The following PPP6R3 variants were observed in gnomAD, a reference collection of about 807,000 sequenced individuals.
PPP6R3 encodes the protein serine/threonine-protein phosphatase 6 regulatory subunit 3.
PPP6R3 carries 38 observed loss-of-function variants against 110.7 expected under a neutral mutation model. That is an observed-to-expected ratio of 0.34 (90% confidence interval 0.26 to 0.45). PPP6R3 has a LOEUF of 0.45. PPP6R3 is among the 20% of genes least tolerant of loss of function. PPP6R3 has a pLI of 1.00. For synonymous variants in PPP6R3, 369 were observed against 373.5 expected, an observed-to-expected ratio of 0.99 and a Z score of 0.14; for missense variants, 870 against 1,062.4, an observed-to-expected ratio of 0.82 and a Z score of 2.52.
chr11:68,614,724 T>G lies in PPP6R3; in HGVS notation c.*1607T>G, dbSNP rs1317246206. On this transcript the variant is annotated 3_prime_UTR_variant, in exon 24 of 24. Coordinates refer to ENST00000393800, the MANE Select transcript of PPP6R3 (RefSeq NM_001164161.2). ...GTGGGTCCCTTGACCTTTGCACGCC[T>G]CCTCAGGAACCCCCTTTCCCGGGTG... 40 of 1,534,506 alleles carry G rather than the reference T, an allele frequency of 2.6e-5. No individual in the cohort carries two copies. Among genetic ancestry groups the G allele is most frequent in the South Asian group, 6.1e-5 (5 of 82,160 alleles).
chr11:68,545,932 A>G (rs1470703366), intron 4 of PPP6R3, among the ~76,000 whole-genome samples: 1 of 152,240 alleles, frequency 6.6e-6, no homozygotes, highest in African/African-American at 2.4e-5. Context: ...GTGTGATGAT[A>G]CGGGGCAAAA....
chr11:68,506,506 A>G (rs2153508434), intron 1 of PPP6R3, among the ~76,000 whole-genome samples: 1 of 148,220 alleles, frequency 6.7e-6, no homozygotes, highest in African/African-American at 2.5e-5. Context: ...AAGTGATGTT[A>G]TGATTCATGT....
intron 1 of PPP6R3, among the ~76,000 whole-genome samples, chr11:68,499,308 C>T (rs1383608299): frequency 6.6e-6 from 1 of 152,090 alleles, no homozygotes; most frequent in African/African-American, 2.4e-5. Context: ...GCTGGAGGAT[C>T]TGTTCTAAGG....
intron 5 of PPP6R3, among the ~76,000 whole-genome samples, chr11:68,548,462 T>C (rs1285090498): frequency 1.3e-5 from 2 of 152,182 alleles, no homozygotes; most frequent in African/African-American, 2.4e-5. Context: ...CTTTTGCTGG[T>C]TTGCTTTTTA....
chr11:68,535,318 T>G (rs1474053280), intron 2 of PPP6R3: 2 of 152,170 alleles, frequency 1.3e-5, no homozygotes, highest in Non-Finnish European at 2.9e-5. Flanking sequence ...GCATGGTCTG[T>G]GATGTCATCT....
chr11:68,468,411 C>T (rs1294769578), intron 1 of PPP6R3, among the ~76,000 whole-genome samples: 1 of 152,194 alleles, frequency 6.6e-6, no homozygotes, highest in Non-Finnish European at 1.5e-5. Context: ...AAGTGAGACC[C>T]TGCCCCTTCT....
At chr11:68,467,131 T>G (rs1482697495) in intron 1 of PPP6R3, among the ~76,000 whole-genome samples, 2 of 152,382 alleles carry the variant, frequency 1.3e-5, no homozygotes, top group Non-Finnish European at 2.9e-5. Flanking sequence ...TACGGCTGGC[T>G]AGAGTTGACC....
intron 9 of PPP6R3, among the ~76,000 whole-genome samples, chr11:68,566,274 A>G (rs1299974812): frequency 6.9e-6 from 1 of 144,100 alleles, no homozygotes; most frequent in East Asian, 2.0e-4. Context: ...TGCTACTACT[A>G]CCACTTCTTC....
intron 1 of PPP6R3, among the ~76,000 whole-genome samples, chr11:68,516,093 AT>A (rs2099135198): frequency 6.6e-6 from 1 of 152,110 alleles, no homozygotes; most frequent in Non-Finnish European, 1.5e-5. Flanking sequence ...CATTTTTGTC[AT>A]TTTTGTGACT....
intron 2 of PPP6R3, among the ~76,000 whole-genome samples, chr11:68,533,531 C>G (rs1266224602): frequency 6.6e-6 from 1 of 151,454 alleles, no homozygotes; most frequent in Non-Finnish European, 1.5e-5. Flanking sequence ...TAGTGAGAAC[C>G]TGTCTCTACA....
intron 1 of PPP6R3, among the ~76,000 whole-genome samples, chr11:68,517,010 A>G (rs2099140456): frequency 6.6e-6 from 1 of 152,036 alleles, no homozygotes; most frequent in Non-Finnish European, 1.5e-5. Context: ...TGCCAGGGTC[A>G]TGCCGTTTAA....
At chr11:68,537,268 C>T (rs1016533016) in intron 2 of PPP6R3, among the ~76,000 whole-genome samples, 1 of 152,154 alleles carries the variant, frequency 6.6e-6, no homozygotes, top group Non-Finnish European at 1.5e-5. Flanking sequence ...TCTTCTGAAG[C>T]CTTCTAGATA....
intron 12 of PPP6R3, among the ~76,000 whole-genome samples, chr11:68,573,153 T>TATATATATATATATATATATATAA (rs1468107550): frequency 2.9e-5 from 3 of 103,604 alleles, no homozygotes; most frequent in African/African-American, 1.1e-4. Flanking sequence ...TATATATATA[T>TATATATATATATATATATATATAA]AATTTTTTTT....
At chr11:68,551,455 TTTTGTACAAACCTCC>T (rs1354622810) in intron 6 of PPP6R3, among the ~76,000 whole-genome samples, 1 of 152,194 alleles carries the variant, frequency 6.6e-6, no homozygotes, top group Non-Finnish European at 1.5e-5. Flanking sequence ...ACCAGCTGGT[TTTTGTACAAACCTCC>T]TTTGTTTATG....
At chr11:68,584,254 C>T (rs17149179) in intron 15 of PPP6R3, among the ~76,000 whole-genome samples, 16,075 of 152,188 alleles carry the variant, frequency 0.11, 1,082 homozygotes, top group Admixed American at 0.15. Context: ...TTAGGCTGCA[C>T]GGGCCGTGGC....
chr11:68,592,528 C>CTG lies in PPP6R3; in HGVS notation c.1916+823_1916+824insGT, dbSNP rs370518365. ...AGTTATGTTGCCTCTTGTGGGAATG[C>CTG]TTGTTGCCACAGGTTATAGCAGACT... On this transcript the variant is annotated intron_variant, in intron 18 of 23. Transcript: ENST00000393800. Among the ~76,000 whole-genome samples, 405 of 152,294 alleles carry CTG rather than the reference C, an allele frequency of 2.7e-3. 4 individuals carry two copies. Among genetic ancestry groups the CTG allele is most frequent in the African/African-American group, 8.5e-3 (354 of 41,566 alleles).
chr11:68,516,033 G>A (rs1267079043), intron 1 of PPP6R3, among the ~76,000 whole-genome samples: 1 of 152,078 alleles, frequency 6.6e-6, no homozygotes, highest in Non-Finnish European at 1.5e-5. Context: ...ACTATTCTGA[G>A]TACCTCCAAT....
At chr11:68,549,012 T>A (rs1297329374) in intron 5 of PPP6R3, among the ~76,000 whole-genome samples, 1 of 152,156 alleles carries the variant, frequency 6.6e-6, no homozygotes, top group Non-Finnish European at 1.5e-5. Flanking sequence ...TGTCTCAGTC[T>A]CCTGAGTAGC....
intron 1 of PPP6R3, among the ~76,000 whole-genome samples, chr11:68,477,737 A>AT (rs1555021085): frequency 5.3e-4 from 34 of 64,558 alleles, no homozygotes; most frequent in Non-Finnish European, 1.0e-3. Flanking sequence ...TTAAAAAAAA[A>AT]AAAAATATAT....
Sources: allele counts gnomAD v4.1 joint callset (sites outside exome capture counted in the v4.1 genomes callset), GRCh38; gene constraint gnomAD v4.1.1; transcripts MANE v1.5; gene names NCBI Gene and HGNC (gene_info 2026-07-23, HGNC 2026-07-21).